ZFYVE28: variants seen among roughly 807,000 people sequenced by gnomAD.
ZFYVE28 encodes zinc finger FYVE-type containing 28.
A neutral mutation model predicts 82.1 loss-of-function variants in ZFYVE28; 40 were observed. The observed-to-expected ratio is 0.49, with a 90% CI of 0.38 to 0.63. The LOEUF is 0.63. Among genes scored for constraint, ZFYVE28 ranks in the 30% least tolerant of loss-of-function variants. ZFYVE28 has a pLI of 0.00. For missense variants in ZFYVE28, 1,321 were observed against 1,242.1 expected (o/e 1.06, Z -0.96); for synonymous variants, 612 against 546.1 (o/e 1.12, Z -1.68).
At chr4:2,282,483 T>G (rs1712096284) in intron 8 of ZFYVE28, among the ~76,000 whole-genome samples, 1 of 152,172 alleles carries the variant, frequency 6.6e-6, no homozygotes, top group Non-Finnish European at 1.5e-5. Flanking sequence ...GAGGGGAGCC[T>G]CTGAGATGTT....
At chr4:2,370,420 G>A (rs1727410283) in intron 1 of ZFYVE28, among the ~76,000 whole-genome samples, 1 of 152,166 alleles carries the variant, frequency 6.6e-6, no homozygotes, top group Admixed American at 6.5e-5. Flanking sequence ...TGGATGGGGT[G>A]CCCTGGGCCC....
chr4:2,347,707 A>G (rs1723796842), intron 2 of ZFYVE28, among the ~76,000 whole-genome samples: 1 of 152,218 alleles, frequency 6.6e-6, no homozygotes, highest in South Asian at 2.1e-4. Flanking sequence ...AATCAAAAGT[A>G]TTGTGAATGA....
chr4:2,415,464 A>ACACACACACACACG (rs1056635547), intron 1 of ZFYVE28, among the ~76,000 whole-genome samples: 4 of 151,892 alleles, frequency 2.6e-5, no homozygotes, highest in African/African-American at 9.7e-5. Flanking sequence ...ACACACACAC[A>ACACACACACACACG]CACACACACA....
Position 2,416,000 on chromosome 4 carries a change from G to A in ZFYVE28, c.39+2285C>T, listed in dbSNP as rs927285109. Among the ~76,000 whole-genome samples the A allele has an allele frequency of 5.3e-5, 8 of 152,228 alleles. No individual in the cohort carries two copies. The East Asian group carries it at 1.4e-3, about 26-fold the overall frequency. On this transcript the variant is annotated intron_variant, in intron 1 of 12. Transcript: ENST00000290974. ...GAGCTACTACCAGACAGCATGCCAGGAGAAGACAACGAGAAAAAGGAGAGA... is the reference window on the plus strand; with the variant it reads ...GAGCTACTACCAGACAGCATGCCAGAAGAAGACAACGAGAAAAAGGAGAGA...
At chr4:2,308,693 A>AAAGAAAGAAAGAAAAAG (rs1334322366) in intron 7 of ZFYVE28, among the ~76,000 whole-genome samples, 2 of 117,244 alleles carry the variant, frequency 1.7e-5, no homozygotes, top group African/African-American at 7.1e-5. Context: ...GAAAGAAAAG[A>AAAGAAAGAAAGAAAAAG]AAAGAAAAGA....
chr4:2,274,216 G>A lies in ZFYVE28; in HGVS notation c.2052C>T (p.Ser684=), dbSNP rs1382561436. The stretch of plus-strand genomic sequence containing the variant: ...AGGAGCAGGACCCAGCTGTGGAGCT[G>A]CTGCATGGAGAAGGAGATACCGGTG... ...HEAPQALSGS[S]SSTAGSCSSD... Residue 684 remains serine (S), a splice_region_variant and synonymous_variant, in exon 9 of 13, where the codon AGC becomes AGT. Coordinates refer to ENST00000290974, the MANE Select transcript of ZFYVE28 (RefSeq NM_020972.3). The A allele has an allele frequency of 1.2e-6, 2 of 1,612,520 alleles. No homozygotes were observed. The highest frequency in any genetic ancestry group is 1.7e-6 in the Non-Finnish European group (2 of 1,179,248).
At chr4:2,279,758 C>G (rs1369336330) in intron 8 of ZFYVE28, among the ~76,000 whole-genome samples, 5 of 142,012 alleles carry the variant, frequency 3.5e-5, no homozygotes, top group East Asian at 2.0e-4. Context: ...TCCAGCCTGA[C>G]AACAGAGTGA....
chr4:2,356,215 C>A (rs1353741256), intron 1 of ZFYVE28, among the ~76,000 whole-genome samples: 1 of 152,222 alleles, frequency 6.6e-6, no homozygotes, highest in Non-Finnish European at 1.5e-5. Flanking sequence ...CCTGCCTGGG[C>A]TCCAGCGACG....
chr4:2,411,908 C>T (rs1344191714), intron 1 of ZFYVE28, among the ~76,000 whole-genome samples: 1 of 152,208 alleles, frequency 6.6e-6, no homozygotes, highest in Admixed American at 6.5e-5. Flanking sequence ...CATGGGAGGA[C>T]AGCATGAGAG....
chr4:2,320,703 G>A lies in ZFYVE28; in HGVS notation c.702-432C>T, dbSNP rs751790176. 7.2e-5 allele frequency among the ~76,000 whole-genome samples: 11 copies of A among 152,206 alleles called. No individual in the cohort carries two copies. The highest frequency in any genetic ancestry group is 1.2e-4 in the Non-Finnish European group (8 of 68,040). ...ACCATCTTCTCCAAAAGCAAAACCAGCTGGAGGTGCGAGCTGAGGCCCGCA... is the reference window on the plus strand; with the variant it reads ...ACCATCTTCTCCAAAAGCAAAACCAACTGGAGGTGCGAGCTGAGGCCCGCA... On this transcript the variant is annotated intron_variant, in intron 6 of 12. Transcript: ENST00000290974. The surrounding 1 kb of genome is among the most constrained non-coding windows in gnomAD (Gnocchi z 5.1).
chr4:2,357,251 T>C (rs1725464006), intron 1 of ZFYVE28, among the ~76,000 whole-genome samples: 1 of 152,094 alleles, frequency 6.6e-6, no homozygotes, highest in Admixed American at 6.5e-5. Flanking sequence ...TCCCCTCCCC[T>C]AGAATTCTGA....
intron 1 of ZFYVE28, among the ~76,000 whole-genome samples, chr4:2,374,324 G>A (rs751996822): frequency 1.3e-5 from 2 of 152,196 alleles, no homozygotes; most frequent in Non-Finnish European, 2.9e-5. Context: ...TCAGAATCCT[G>A]TTTCAGGCCA....
chr4:2,361,520 A>G (rs2108893326), intron 1 of ZFYVE28, among the ~76,000 whole-genome samples: 1 of 152,268 alleles, frequency 6.6e-6, no homozygotes, highest in Non-Finnish European at 1.5e-5. Context: ...CAGAGTTTAC[A>G]CGCACTACCC....
At chr4:2,389,540 G>C (rs1401569252) in intron 1 of ZFYVE28, among the ~76,000 whole-genome samples, 2 of 152,172 alleles carry the variant, frequency 1.3e-5, no homozygotes, top group African/African-American at 4.8e-5. Context: ...ACACATGTAA[G>C]GCCAGGCGGC....
At chr4:2,279,621 T>C (rs1407514977) in intron 8 of ZFYVE28, among the ~76,000 whole-genome samples, 2 of 150,782 alleles carry the variant, frequency 1.3e-5, no homozygotes, top group Admixed American at 1.3e-4. Context: ...CTACTAAAAA[T>C]ACAAAAAAAA....
chr4:2,304,242 C>G (rs1338851483), intron 8 of ZFYVE28, 47 bp downstream of exon 8: 4 of 1,507,918 alleles, frequency 2.7e-6, no homozygotes, highest in East Asian at 4.5e-5. Flanking sequence ...ACCTGCCCCC[C>G]AGTGCAGAGA....
intron 8 of ZFYVE28, among the ~76,000 whole-genome samples, chr4:2,302,088 C>T (rs915586011): frequency 1.3e-5 from 2 of 152,272 alleles, no homozygotes; most frequent in South Asian, 2.1e-4. Flanking sequence ...GCCAGGAGAG[C>T]GAGGTGGGGG....
At position 2,305,505 on chromosome 4, in the gene ZFYVE28, GCTC is replaced by G. The variant is rs1163239427; in HGVS notation, c.832_834del (p.Glu278del). ...CAGAGGTTCCGTTCCAGCGTGTGCA[GCTC>G]CTCCTCCGTCAGCGTCTGCAGCAAA... On this transcript the variant is annotated inframe_deletion, in exon 8 of 13. Transcript: ENST00000290974. 1 of 1,612,966 alleles carries G rather than the reference GCTC, an allele frequency of 6.2e-7. No homozygotes were observed. Among genetic ancestry groups the G allele is most frequent in the Non-Finnish European group, 8.5e-7 (1 of 1,180,032 alleles).
At chr4:2,355,801 T>G (rs1292370679) in intron 1 of ZFYVE28, among the ~76,000 whole-genome samples, 1 of 152,216 alleles carries the variant, frequency 6.6e-6, no homozygotes. Flanking sequence ...GGTCTTGAAC[T>G]CCTGGCCTGA....
Sources: allele counts gnomAD v4.1 joint callset (sites outside exome capture counted in the v4.1 genomes callset), GRCh38; gene constraint gnomAD v4.1.1; non-coding constraint Gnocchi (gnomAD v3.1); transcripts MANE v1.5; gene names NCBI Gene and HGNC (gene_info 2026-07-23, HGNC 2026-07-21).